MICAL3: variants seen among roughly 807,000 people sequenced by gnomAD.
MICAL3 encodes [F-actin]-monooxygenase MICAL3.
In MICAL3, 62 loss-of-function variants were observed where a neutral mutation model predicts 207.4. The observed-to-expected ratio is 0.30, with a 90% confidence interval of 0.24 to 0.37. MICAL3 has a LOEUF of 0.37. Ranked by LOEUF, MICAL3 falls within the 10% of genes least tolerant of loss-of-function variation. The pLI, the probability that MICAL3 is intolerant of heterozygous loss-of-function variation, is 1.00. For synonymous variants in MICAL3, 1,077 were observed against 1,069.3 expected (o/e 1.01, Z -0.14); for missense variants, 2,368 against 2,635.6 (o/e 0.90, Z 2.22).
At chr22:17,822,334 C>G (rs192460882) in intron 23 of MICAL3, among the ~76,000 whole-genome samples, 164 bp from the exon 24 acceptor site, 1 of 152,254 alleles carries the variant, frequency 6.6e-6, no homozygotes. Context: ...AGACCACCCC[C>G]GCTCCTGAGG....
rs748462495 is a variant in MICAL3 at position 17,793,384 on chromosome 22, C to T, written c.5651-2083G>A. Reference sequence around the variant, plus strand: ...TATTCCTTGACTCTCCCATCCAAATCGCTGCACGCAGGCGGGAGGCTCCTC... The same window carrying T: ...TATTCCTTGACTCTCCCATCCAAATTGCTGCACGCAGGCGGGAGGCTCCTC... On this transcript the variant is annotated intron_variant, in intron 29 of 31. Coordinates refer to ENST00000441493, the MANE Select transcript of MICAL3 (RefSeq NM_015241.3). The surrounding 1 kb of genome is among the most constrained non-coding windows in gnomAD (Gnocchi z 4.1). Among the ~76,000 whole-genome samples the T allele has an allele frequency of 1.3e-5, 2 of 152,180 alleles. No individual in the cohort carries two copies. Among genetic ancestry groups the T allele is most frequent in the Non-Finnish European group, 2.9e-5 (2 of 68,030 alleles).
chr22:17,832,203 C>A (rs1004338531), intron 20 of MICAL3, 96 bp from the exon 21 acceptor site: 2 of 1,437,022 alleles, frequency 1.4e-6, no homozygotes, highest in South Asian at 1.3e-5. Flanking sequence ...GCATGTCAGG[C>A]AAAGCAGCTG....
Position 17,901,760 on chromosome 22 carries a change from A to C in MICAL3, c.691+118T>G. 4.6e-6 allele frequency: 3 copies of C among 646,848 alleles called. No individual in the cohort carries two copies. In the South Asian group the frequency reaches 7.3e-5, roughly 16 times the overall value. The allele number at this position is 646,848 out of a possible 1,614,324, so 40.1% of individuals were successfully genotyped here. A position where few individuals can be genotyped will look rare whatever the true frequency, so the allele number is the denominator to read the frequency against. ...GGCCTGCCATTCCATCAGGGCAGGA[A>C]GCACACATTCAGGCTCTCAAAAGGG... On this transcript the variant is annotated intron_variant, in intron 5 of 31. Coordinates refer to ENST00000441493, the MANE Select transcript of MICAL3 (RefSeq NM_015241.3).
intron 1 of MICAL3, among the ~76,000 whole-genome samples, chr22:17,960,384 A>G (rs1002896005): frequency 3.3e-5 from 5 of 152,228 alleles, no homozygotes; most frequent in African/African-American, 1.2e-4. Context: ...AAGTCAGCAA[A>G]TATTTACTGT....
At chr22:17,999,388 G>A (rs1346663216) in intron 1 of MICAL3, among the ~76,000 whole-genome samples, 8 of 152,180 alleles carry the variant, frequency 5.3e-5, no homozygotes, top group South Asian at 4.1e-4. Context: ...CTGGAGAGCT[G>A]GAAGTTTGAG....
At chr22:17,837,771 G>A (rs1985116325) in intron 20 of MICAL3, among the ~76,000 whole-genome samples, 1 of 152,162 alleles carries the variant, frequency 6.6e-6, no homozygotes, top group Non-Finnish European at 1.5e-5. Context: ...TCACCTGGGG[G>A]GTCTGTTGGA....
chr22:17,979,262 G>A (rs1460527385), intron 1 of MICAL3, among the ~76,000 whole-genome samples: 1 of 151,134 alleles, frequency 6.6e-6, no homozygotes, highest in African/African-American at 2.4e-5. Context: ...ATATGTAAAC[G>A]GCCCAGGTAC....
Position 17,801,240 on chromosome 22 carries a change from C to T in MICAL3, c.5650+7604G>A, listed in dbSNP as rs1294183806. Among the ~76,000 whole-genome samples the T allele has an allele frequency of 1.1e-3, 62 of 58,920 alleles. 3 individuals carry two copies. The highest frequency in any genetic ancestry group is 1.8e-3 in the African/African-American group (10 of 5,592). 38.7% of individuals were successfully genotyped at this position (58,920 alleles called of 152,430 possible). A position where few individuals can be genotyped will look rare whatever the true frequency, so the allele number is the denominator to read the frequency against. On this transcript the variant is annotated intron_variant, in intron 29 of 31. Transcript: ENST00000441493. The stretch of plus-strand genomic sequence containing the variant: ...GGATCTCGGCTCACTGCAAGCTCCG[C>T]CTCCCGGGTTCACGCCATTCTCCTG...
chr22:17,839,258 A>ATTTTTTT (rs58568915), intron 20 of MICAL3, among the ~76,000 whole-genome samples: 41,843 of 109,040 alleles, frequency 0.38, 8,516 homozygotes, highest in African/African-American at 0.57. Context: ...CGGGCTCTTC[A>ATTTTTTT]TTTTTTTTTT....
chr22:17,902,612 C>T lies in MICAL3; in HGVS notation c.589+19G>A. On this transcript the variant is annotated intron_variant, in intron 4 of 31. Coordinates refer to ENST00000441493, the MANE Select transcript of MICAL3 (RefSeq NM_015241.3). The surrounding 1 kb of genome is among the most constrained non-coding windows in gnomAD (Gnocchi z 4.5). Reference sequence around the variant, plus strand: ...TCAACACCCTCTCACGCCTTCTTCACTCCTCCAGTATAACTTACGTTCATT... The same window carrying T: ...TCAACACCCTCTCACGCCTTCTTCATTCCTCCAGTATAACTTACGTTCATT... The T allele has an allele frequency of 6.8e-7, 1 of 1,462,580 alleles. No individual in the cohort carries two copies. The highest frequency in any genetic ancestry group is 9.5e-7 in the Non-Finnish European group (1 of 1,054,616). The allele number at this position is 1,462,580 out of a possible 1,614,324, so 90.6% of individuals were successfully genotyped here.
chr22:17,961,313 A>G (rs28550912), intron 1 of MICAL3, among the ~76,000 whole-genome samples: 10,468 of 152,206 alleles, frequency 0.069, 752 homozygotes, highest in African/African-American at 0.18. Flanking sequence ...AGCTAACAAA[A>G]GCACAAACAT....
At chr22:17,877,480 A>T (rs1214499469) in intron 16 of MICAL3, among the ~76,000 whole-genome samples, 61 of 131,138 alleles carry the variant, frequency 4.7e-4, no homozygotes, top group Admixed American at 8.6e-4. Flanking sequence ...GAGGTTAGGG[A>T]GGTTATGGAG....
chr22:17,979,183 T>G (rs1401077770), intron 1 of MICAL3, among the ~76,000 whole-genome samples: 3 of 151,800 alleles, frequency 2.0e-5, no homozygotes, highest in Non-Finnish European at 4.4e-5. Context: ...AAAAAAACCC[T>G]GAGGGGAGTA....
intron 1 of MICAL3, among the ~76,000 whole-genome samples, chr22:17,968,645 A>G (rs572805439): frequency 6.6e-6 from 1 of 152,314 alleles, no homozygotes; most frequent in Admixed American, 6.5e-5. Flanking sequence ...GAGTGATATA[A>G]TAATTACCAC....
At chr22:17,807,441 G>A (rs111750278) in intron 29 of MICAL3, among the ~76,000 whole-genome samples, 1,696 of 152,332 alleles carry the variant, frequency 0.011, 11 homozygotes, top group Non-Finnish European at 0.018. Context: ...CATCCCAGTC[G>A]TCTCAGCCTA....
chr22:17,866,914 G>A (rs981988467), intron 17 of MICAL3, among the ~76,000 whole-genome samples: 1 of 152,172 alleles, frequency 6.6e-6, no homozygotes, highest in Non-Finnish European at 1.5e-5. Flanking sequence ...GACGACTTTT[G>A]AATCTCAAGT....
At chr22:17,827,569 GGC>G in intron 22 of MICAL3, 73 bp downstream of exon 22, 2 of 1,462,950 alleles carry the variant, frequency 1.4e-6, no homozygotes, top group Non-Finnish European at 1.8e-6. Context: ...CTGACAGAAA[GGC>G]CCCCTGTGGC....
chr22:17,904,164 G>C (rs1225319024), intron 3 of MICAL3, among the ~76,000 whole-genome samples: 1 of 152,192 alleles, frequency 6.6e-6, no homozygotes, highest in African/African-American at 2.4e-5. Flanking sequence ...TGCAAGTGTG[G>C]CTCCCCCCAG....
intron 16 of MICAL3, chr22:17,876,784 G>GGGAGGTTAGGGAGGTTAT (rs1928453224): frequency 1.8e-5 from 1 of 55,630 alleles, no homozygotes; most frequent in African/African-American, 6.5e-5. Context: ...ATGGAGGTTA[G>GGGAGGTTAGGGAGGTTAT]GGAGGTTAGG....
Sources: gnomAD v4.1 joint callset for allele counts (sites outside exome capture counted in the v4.1 genomes callset) on GRCh38, gnomAD v4.1.1 for gene constraint, Gnocchi (gnomAD v3.1) non-coding constraint, MANE v1.5 for transcripts, NCBI Gene and HGNC (gene_info 2026-07-23, HGNC 2026-07-21) for gene names.